The following EIF4G3 variants were observed in gnomAD, a reference collection of about 807,000 sequenced individuals.
EIF4G3 encodes the protein eukaryotic translation initiation factor 4 gamma 3.
EIF4G3 carries 34 observed loss-of-function variants against 186.4 expected under a neutral mutation model. That is an observed-to-expected ratio of 0.18 (90% CI 0.14 to 0.24). The LOEUF (loss-of-function observed/expected upper bound fraction) is 0.24, where lower values mean the gene tolerates loss of function less well. EIF4G3 is among the 10% of genes least tolerant of loss of function. The pLI, the probability that EIF4G3 is intolerant of heterozygous loss-of-function variation, is 1.00. For missense variants in EIF4G3, 1,536 were observed against 1,948.5 expected, an observed-to-expected ratio of 0.79 and a Z score of 3.99; for synonymous variants, 673 against 679.5, an observed-to-expected ratio of 0.99 and a Z score of 0.15.
intron 3 of EIF4G3, among the ~76,000 whole-genome samples, chr1:21,088,646 C>T (rs892631909): frequency 6.6e-6 from 1 of 152,188 alleles, no homozygotes; most frequent in Non-Finnish European, 1.5e-5. Flanking sequence ...AGGTGGATCA[C>T]CCGCAGTCAG....
chr1:21,110,899 C>T lies in EIF4G3; in HGVS notation c.-271-21686G>A, dbSNP rs1220862036. On this transcript the variant is annotated intron_variant, in intron 2 of 36. Transcript: ENST00000602326. ...AACTTTTTGAAAATACTGTATTATT[C>T]AACCATTGCAACTAATAAACACTTT... Among the ~76,000 whole-genome samples the T allele has an allele frequency of 2.0e-5, 3 of 152,172 alleles. No homozygotes were observed. The East Asian group carries it at 5.8e-4, about 29-fold the overall frequency.
intron 29 of EIF4G3, chr1:20,847,904 C>T: frequency 2.2e-6 from 1 of 456,734 alleles, no homozygotes; most frequent in Non-Finnish European, 4.5e-6. Flanking sequence ...TATAGATAAC[C>T]AAGGTGATTT....
At chr1:20,939,847 G>GTTTTTTTTTTT (rs538504683) in intron 14 of EIF4G3, among the ~76,000 whole-genome samples, 5 of 89,914 alleles carry the variant, frequency 5.6e-5, no homozygotes, top group Admixed American at 1.4e-4. Flanking sequence ...AAGTTGTTTA[G>GTTTTTTTTTTT]TTTTTTTTTT....
At chr1:20,825,656 CAG>C (rs1314038333) in intron 32 of EIF4G3, among the ~76,000 whole-genome samples, 3 of 152,192 alleles carry the variant, frequency 2.0e-5, no homozygotes. Context: ...GTCCAATACA[CAG>C]AGTTTATAAA....
At chr1:20,917,592 G>C (rs1188084065) in intron 14 of EIF4G3, among the ~76,000 whole-genome samples, 1 of 152,194 alleles carries the variant, frequency 6.6e-6, no homozygotes, top group African/African-American at 2.4e-5. Context: ...ACAAAAAACA[G>C]ATCAGTGCTT....
intron 14 of EIF4G3, 82 bp downstream of exon 14, chr1:20,941,409 A>G (rs1370421639): frequency 5.0e-6 from 8 of 1,610,332 alleles, no homozygotes; most frequent in East Asian, 2.2e-5. Context: ...GAAGTCAAGG[A>G]AAGTAGCCAA....
intron 3 of EIF4G3, among the ~76,000 whole-genome samples, chr1:21,071,552 G>A (rs771649211): frequency 8.5e-5 from 13 of 152,094 alleles, no homozygotes; most frequent in Admixed American, 3.9e-4. Context: ...GCACTTACAC[G>A]GCCGGGCACG....
At chr1:20,901,746 G>C (rs111401513) in intron 15 of EIF4G3, among the ~76,000 whole-genome samples, 166 of 151,980 alleles carry the variant, frequency 1.1e-3, no homozygotes, top group African/African-American at 3.9e-3. Context: ...ATATTTATGG[G>C]TTTTTTTTAA....
intron 3 of EIF4G3, among the ~76,000 whole-genome samples, chr1:21,052,870 C>T (rs1381512602): frequency 1.6e-4 from 24 of 152,010 alleles, no homozygotes; most frequent in Non-Finnish European, 2.4e-4. Context: ...GACGGAGTCT[C>T]GTTCACTCAG....
chr1:21,049,053 T>G (rs1284448935), intron 4 of EIF4G3, among the ~76,000 whole-genome samples: 1 of 152,206 alleles, frequency 6.6e-6, no homozygotes, highest in Admixed American at 6.5e-5. Flanking sequence ...GGACTTCTGA[T>G]CCAGTGGATC....
At chr1:21,122,269 T>C (rs1056379860) in intron 2 of EIF4G3, among the ~76,000 whole-genome samples, 3 of 151,870 alleles carry the variant, frequency 2.0e-5, no homozygotes, top group Admixed American at 6.6e-5. Context: ...ATGCTTACCC[T>C]CAGATGGACA....
At chr1:21,026,259 G>A (rs958533767) in intron 4 of EIF4G3, among the ~76,000 whole-genome samples, 8 of 152,102 alleles carry the variant, frequency 5.3e-5, no homozygotes, top group Non-Finnish European at 1.0e-4. Flanking sequence ...ATGTTCAAAC[G>A]ATTTTTGAAA....
At chr1:20,979,370 T>C (rs2077499179) in intron 10 of EIF4G3, among the ~76,000 whole-genome samples, 2 of 152,288 alleles carry the variant, frequency 1.3e-5, no homozygotes, top group South Asian at 4.1e-4. Flanking sequence ...GTTCACTGAG[T>C]TATATTTAGT....
At chr1:21,006,666 G>A (rs898380969) in intron 4 of EIF4G3, among the ~76,000 whole-genome samples, 3 of 152,190 alleles carry the variant, frequency 2.0e-5, no homozygotes, top group East Asian at 1.9e-4. Context: ...TCCTTATGGT[G>A]TACATATAAC....
At chr1:20,822,177 A>C (rs1381819561) in intron 33 of EIF4G3, among the ~76,000 whole-genome samples, 1 of 152,028 alleles carries the variant, frequency 6.6e-6, no homozygotes, top group Non-Finnish European at 1.5e-5. Flanking sequence ...CGCCTGGCTG[A>C]TGTATTTATT....
intron 4 of EIF4G3, among the ~76,000 whole-genome samples, 173 bp from the exon 5 acceptor site, chr1:21,002,981 C>T (rs948917677): frequency 3.7e-5 from 5 of 135,762 alleles, no homozygotes; most frequent in Non-Finnish European, 7.9e-5. Flanking sequence ...AGTACAGTTC[C>T]TTTTCTTTCT....
In EIF4G3 at chr1:20,810,623, G is replaced by T. The variant is rs771813272; in HGVS notation, c.4744+115C>A. 7 of 1,221,072 alleles carry T rather than the reference G, an allele frequency of 5.7e-6. No individual in the cohort carries two copies. The highest frequency in any genetic ancestry group is 8.1e-6 in the Non-Finnish European group (7 of 860,348). 75.6% of individuals were successfully genotyped at this position (1,221,072 alleles called of 1,614,324 possible). ...TTATTAAAGTTAGTTATATGAGTTTGTGTTATTAGTGATTCTTTTATTGTC... is the reference window on the plus strand; with the variant it reads ...TTATTAAAGTTAGTTATATGAGTTTTTGTTATTAGTGATTCTTTTATTGTC... On this transcript the variant is annotated intron_variant, in intron 36 of 36. Coordinates refer to ENST00000602326, the MANE Select transcript of EIF4G3 (RefSeq NM_001391906.1). The surrounding 1 kb of genome is among the most constrained non-coding windows in gnomAD (Gnocchi z 4.1).
chr1:20,889,051 G>A (rs1269704102), intron 18 of EIF4G3, among the ~76,000 whole-genome samples: 2 of 152,166 alleles, frequency 1.3e-5, no homozygotes, highest in African/African-American at 4.8e-5. Context: ...CTCAAAGTCT[G>A]GGGTTGATTA....
intron 19 of EIF4G3, among the ~76,000 whole-genome samples, chr1:20,879,801 A>G (rs897181740): frequency 8.5e-5 from 13 of 152,320 alleles, no homozygotes; most frequent in African/African-American, 3.1e-4. Context: ...GACAACGTGT[A>G]TCAAAAGCTT....
Sources: allele counts gnomAD v4.1 joint callset (sites outside exome capture counted in the v4.1 genomes callset), GRCh38; gene constraint gnomAD v4.1.1; non-coding constraint Gnocchi (gnomAD v3.1); transcripts MANE v1.5; gene names NCBI Gene and HGNC (gene_info 2026-07-23, HGNC 2026-07-21).